Variants in ATG10 observed in about 807,000 individuals in gnomAD.
ATG10 encodes the protein ubiquitin-like-conjugating enzyme ATG10.
Under a neutral mutation model 32.1 loss-of-function variants are expected in ATG10, and 30 were observed. That is an observed-to-expected ratio of 0.94 (90% confidence interval 0.70 to 1.27). ATG10 has a LOEUF of 1.27. Among genes scored for constraint, ATG10 ranks in the 50% most tolerant of loss-of-function variants. The pLI, the probability that ATG10 is intolerant of heterozygous loss-of-function variation, is 0.00. For synonymous variants in ATG10, 87 were observed against 91.5 expected, an observed-to-expected ratio of 0.95 and a Z score of 0.28; for missense variants, 233 against 262.3, an observed-to-expected ratio of 0.89 and a Z score of 0.77.
intron 3 of ATG10, among the ~76,000 whole-genome samples, chr5:82,062,501 CCTT>C (rs973373778): frequency 2.6e-5 from 4 of 152,038 alleles, no homozygotes; most frequent in African/African-American, 9.7e-5. Context: ...AACTGTGGGC[CCTT>C]CTTACTTCCT....
intron 2 of ATG10, among the ~76,000 whole-genome samples, chr5:82,014,920 C>G (rs941515547): frequency 2.0e-5 from 3 of 152,182 alleles, no homozygotes; most frequent in African/African-American, 7.2e-5. Flanking sequence ...TTCTTCCTAG[C>G]CTTGACGGTC....
At chr5:82,119,787 A>C (rs1474210727) in intron 3 of ATG10, among the ~76,000 whole-genome samples, 1 of 152,186 alleles carries the variant, frequency 6.6e-6, no homozygotes, top group African/African-American at 2.4e-5. Context: ...TTTAAAAAAC[A>C]ACAATAAATA....
At chr5:82,081,849 G>T (rs990444496) in intron 3 of ATG10, among the ~76,000 whole-genome samples, 3 of 152,136 alleles carry the variant, frequency 2.0e-5, no homozygotes, top group African/African-American at 7.2e-5. Context: ...CCAGGCCTTG[G>T]TATCAGGATG....
At chr5:82,009,774 G>C in intron 2 of ATG10, 1 of 1,606,946 alleles carries the variant, frequency 6.2e-7, no homozygotes, top group South Asian at 1.1e-5. Flanking sequence ...GGAGCCATTT[G>C]TGTTGGGTCC....
chr5:81,983,061 C>T (rs1269201384), intron 1 of ATG10, among the ~76,000 whole-genome samples: 1 of 152,236 alleles, frequency 6.6e-6, no homozygotes, highest in Non-Finnish European at 1.5e-5. Context: ...TCTCAATGAG[C>T]TGTTGGGTAC....
At chr5:82,221,147 C>T (rs1409069859) in intron 5 of ATG10, among the ~76,000 whole-genome samples, 1 of 152,122 alleles carries the variant, frequency 6.6e-6, no homozygotes, top group Admixed American at 6.5e-5. Flanking sequence ...AACACCTTTC[C>T]CGCCTGGCCT....
chr5:82,062,454 T>A (rs1763815081), intron 3 of ATG10, among the ~76,000 whole-genome samples: 1 of 152,174 alleles, frequency 6.6e-6, no homozygotes, highest in Non-Finnish European at 1.5e-5. Flanking sequence ...CATTTACTAG[T>A]ATTGTAACCT....
chr5:82,241,958 C>T (rs911423201), intron 5 of ATG10, among the ~76,000 whole-genome samples: 1 of 151,952 alleles, frequency 6.6e-6, no homozygotes, highest in Admixed American at 6.6e-5. Context: ...GTGGGATGCA[C>T]TTTTAATGTT....
intron 5 of ATG10, among the ~76,000 whole-genome samples, chr5:82,244,212 A>G (rs1220794366): frequency 1.3e-5 from 2 of 152,180 alleles, no homozygotes; most frequent in Non-Finnish European, 2.9e-5. Flanking sequence ...TTATAATTTT[A>G]TGAAAACACA....
At chr5:82,121,089 C>CT (rs1216475369) in intron 3 of ATG10, among the ~76,000 whole-genome samples, 2 of 152,080 alleles carry the variant, frequency 1.3e-5, no homozygotes, top group African/African-American at 4.8e-5. Flanking sequence ...AACCTACGGT[C>CT]TTTTTTCTTT....
chr5:82,150,920 G>A (rs924271363), intron 3 of ATG10, among the ~76,000 whole-genome samples: 4 of 152,214 alleles, frequency 2.6e-5, no homozygotes, highest in Non-Finnish European at 4.4e-5. Context: ...AAGTTCATCA[G>A]GTGGCCTGTG....
chr5:82,064,610 C>A (rs1337496271), intron 3 of ATG10, among the ~76,000 whole-genome samples: 3 of 151,920 alleles, frequency 2.0e-5, no homozygotes, highest in African/African-American at 7.3e-5. Flanking sequence ...TTTTAATTCC[C>A]CCAAAATAAT....
intron 5 of ATG10, among the ~76,000 whole-genome samples, chr5:82,225,992 GA>G: frequency 6.6e-6 from 1 of 152,276 alleles, no homozygotes; most frequent in Admixed American, 6.5e-5. Flanking sequence ...TTTAGTGGAA[GA>G]AGGTGAAGAA....
intron 3 of ATG10, among the ~76,000 whole-genome samples, chr5:82,071,758 C>A (rs536650801): frequency 1.3e-5 from 2 of 152,006 alleles, no homozygotes; most frequent in African/African-American, 4.8e-5. Flanking sequence ...AAATAGTCAG[C>A]GTTTTTAGCA....
chr5:82,166,407 T>C (rs983542151), intron 4 of ATG10, among the ~76,000 whole-genome samples: 1 of 152,252 alleles, frequency 6.6e-6, no homozygotes, highest in African/African-American at 2.4e-5. Flanking sequence ...AGAATTCATT[T>C]AGTGCTTGTT....
At chr5:82,193,292 T>A (rs1227200490) in intron 5 of ATG10, among the ~76,000 whole-genome samples, 1 of 152,246 alleles carries the variant, frequency 6.6e-6, no homozygotes, top group African/African-American at 2.4e-5. Flanking sequence ...AACCACTTGT[T>A]GGTGAAAGGA....
At chr5:82,021,630 C>T (rs950026678) in intron 2 of ATG10, among the ~76,000 whole-genome samples, 1 of 152,178 alleles carries the variant, frequency 6.6e-6, no homozygotes, top group Non-Finnish European at 1.5e-5. Flanking sequence ...AACCTGTAAT[C>T]CCAGCACTTT....
Position 81,979,493 on chromosome 5 carries a change from A to G in ATG10, c.-13+7187A>G, listed in dbSNP as rs529102445. ...CAGTGAGCCGAGATAGCACCGCTGC[A>G]CTCCAGCCTGGGCAACAGAGCGACA... On this transcript the variant is annotated intron_variant, in intron 1 of 7. Coordinates refer to ENST00000282185, the MANE Select transcript of ATG10 (RefSeq NM_031482.5). Among the ~76,000 whole-genome samples the G allele has an allele frequency of 1.1e-3, 173 of 152,114 alleles. 2 individuals are homozygous for G. The highest frequency in any genetic ancestry group is 2.2e-3 in the Admixed American group (34 of 15,278).
intron 3 of ATG10, among the ~76,000 whole-genome samples, chr5:82,065,436 T>C (rs952754719): frequency 6.6e-6 from 1 of 151,474 alleles, no homozygotes; most frequent in Non-Finnish European, 1.5e-5. Flanking sequence ...GAGCCGAGAT[T>C]GCACCACTGC....
Sources: allele counts gnomAD v4.1 joint callset (sites outside exome capture counted in the v4.1 genomes callset), GRCh38; gene constraint gnomAD v4.1.1; transcripts MANE v1.5; gene names NCBI Gene and HGNC (gene_info 2026-07-23, HGNC 2026-07-21).